LAMB4: variants seen among roughly 807,000 people sequenced by gnomAD.
LAMB4 encodes the protein laminin subunit beta 4, also known as laminin subunit beta-4.
Under a neutral mutation model 199.2 loss-of-function variants are expected in LAMB4, and 196 were observed. The observed-to-expected ratio is 0.98, with a 90% confidence interval of 0.88 to 1.11. The LOEUF (loss-of-function observed/expected upper bound fraction) is 1.11, where lower values mean the gene tolerates loss of function less well. Ranked by LOEUF, LAMB4 falls within the 50% of genes least tolerant of loss-of-function variation. LAMB4 has a pLI of 0.00. For missense variants in LAMB4, 2,080 were observed against 2,171.2 expected (o/e 0.96, Z 0.83); for synonymous variants, 744 against 770.6 (o/e 0.97, Z 0.57).
At chr7:108,048,333 T>C (rs942427217) in intron 27 of LAMB4, among the ~76,000 whole-genome samples, 1 of 151,824 alleles carries the variant, frequency 6.6e-6, no homozygotes, top group Non-Finnish European at 1.5e-5. Flanking sequence ...CCTGGCTAAT[T>C]TTTTGTATTT....
intron 14 of LAMB4, among the ~76,000 whole-genome samples, chr7:108,088,363 T>C (rs1324688504): frequency 2.6e-5 from 4 of 151,798 alleles, no homozygotes; most frequent in Non-Finnish European, 5.9e-5. Context: ...GGGTTTCGCC[T>C]TGGTTGGCCA....
chr7:108,045,147 T>C (rs2035577918), intron 28 of LAMB4, among the ~76,000 whole-genome samples: 2 of 152,220 alleles, frequency 1.3e-5, no homozygotes, highest in South Asian at 4.1e-4. Flanking sequence ...TTTTCAGAGT[T>C]GTTACTTAAT....
intron 32 of LAMB4, among the ~76,000 whole-genome samples, chr7:108,029,524 C>T (rs984060576): frequency 1.3e-5 from 2 of 152,194 alleles, no homozygotes; most frequent in African/African-American, 4.8e-5. Context: ...ATGACCCAAT[C>T]CCATCCTTGA....
At chr7:108,100,542 A>G (rs2037779927) in intron 10 of LAMB4, among the ~76,000 whole-genome samples, 1 of 152,234 alleles carries the variant, frequency 6.6e-6, no homozygotes, top group Non-Finnish European at 1.5e-5. Flanking sequence ...TTGTTTACAA[A>G]GAATGACTTC....
intron 2 of LAMB4, among the ~76,000 whole-genome samples, chr7:108,121,928 A>C (rs1489982988): frequency 6.6e-6 from 1 of 152,180 alleles, no homozygotes; most frequent in Non-Finnish European, 1.5e-5. Context: ...TCAAACTATC[A>C]ATGGGAAAAT....
At chr7:108,095,699 C>T (rs1275556209) in intron 11 of LAMB4, among the ~76,000 whole-genome samples, 1 of 152,134 alleles carries the variant, frequency 6.6e-6, no homozygotes, top group Non-Finnish European at 1.5e-5. Context: ...ACTGATCGCT[C>T]CTTCTCTGGC....
intron 7 of LAMB4, 98 bp from the exon 8 acceptor site, chr7:108,106,129 G>A: frequency 1.0e-6 from 1 of 967,270 alleles, no homozygotes; most frequent in Non-Finnish European, 1.6e-6. Flanking sequence ...ATAGAAAAGA[G>A]ATTACAGGCC....
chr7:108,074,082 C>A (rs2036617889), intron 17 of LAMB4, among the ~76,000 whole-genome samples: 1 of 152,164 alleles, frequency 6.6e-6, no homozygotes, highest in Admixed American at 6.5e-5. Context: ...TGAGGCCACA[C>A]TTCAGTGGAG....
chr7:108,079,775 C>A lies in LAMB4; in HGVS notation c.1713G>T (p.Thr571=). Residue 571 remains threonine (T), a synonymous_variant, in exon 15 of 34, where the codon ACG becomes ACT. Coordinates refer to ENST00000388781, the MANE Select transcript of LAMB4 (RefSeq NM_007356.3). Reference sequence around the variant, plus strand: ...CGTGAACAGCAGGACTCTGGCCAAACGTCTCCGAGCCCTAAAATGGGAGAG... The same window carrying A: ...CGTGAACAGCAGGACTCTGGCCAAAAGTCTCCGAGCCCTAAAATGGGAGAG... ...LQGLAPLGSE[T]FGQSPAVHVV... The A allele has an allele frequency of 2.5e-6, 4 of 1,581,864 alleles. No homozygotes were observed. In the East Asian group the frequency reaches 6.8e-5, roughly 27 times the overall value.
chr7:108,101,152 C>T (rs1313550067), intron 10 of LAMB4, among the ~76,000 whole-genome samples: 1 of 152,130 alleles, frequency 6.6e-6, no homozygotes, highest in Non-Finnish European at 1.5e-5. Flanking sequence ...CCCTAAGAAG[C>T]GGGATCCCTG....
chr7:108,057,442 G>T (rs2036018737), intron 24 of LAMB4, among the ~76,000 whole-genome samples: 1 of 152,118 alleles, frequency 6.6e-6, no homozygotes, highest in Admixed American at 6.6e-5. Flanking sequence ...TAGCCACAAG[G>T]GCACATTTAT....
chr7:108,056,656 G>T (rs1007578038), intron 24 of LAMB4, among the ~76,000 whole-genome samples: 1 of 152,106 alleles, frequency 6.6e-6, no homozygotes, highest in Non-Finnish European at 1.5e-5. Context: ...TGGACCAACT[G>T]CAAGGAACAA....
In LAMB4 at chr7:108,048,044, C is replaced by T. The variant is rs1287960675; in HGVS notation, c.4190G>A (p.Arg1397Gln). The change falls in exon 28 of 34, where the codon CGG becomes CAG. Residue 1397 changes from arginine to glutamine, a missense_variant. Transcript: ENST00000388781. Reference protein sequence around the residue: ...LPCGGALCTGRKGHRKCRGPG... With the variant: ...LPCGGALCTGQKGHRKCRGPG... ...ACCCCTACACTTCCTGTGCCCCTTCCGGCCCGTGCAGAGAGCACCGCCACA... is the reference window on the plus strand; with the variant it reads ...ACCCCTACACTTCCTGTGCCCCTTCTGGCCCGTGCAGAGAGCACCGCCACA... The T allele has an allele frequency of 3.7e-6, 6 of 1,614,036 alleles. No homozygotes were observed. Among genetic ancestry groups the T allele is most frequent in the African/African-American group, 1.3e-5 (1 of 74,914 alleles).
intron 18 of LAMB4, among the ~76,000 whole-genome samples, chr7:108,068,815 T>G (rs1476116823): frequency 6.6e-6 from 1 of 152,142 alleles, no homozygotes; most frequent in Non-Finnish European, 1.5e-5. Context: ...TGCCTCAGCC[T>G]CCCGAGTAGC....
At chr7:108,033,639 C>T (rs975216475) in intron 31 of LAMB4, among the ~76,000 whole-genome samples, 1 of 151,974 alleles carries the variant, frequency 6.6e-6, no homozygotes, top group Non-Finnish European at 1.5e-5. Context: ...GAACTCCTCA[C>T]CTCGGGTGAT....
Position 108,055,944 on chromosome 7 carries a change from C to T in LAMB4, c.3443G>A (p.Arg1148His), listed in dbSNP as rs772132232. ...PICDPDTGMC[R>H]CREGVSGQRC... ...CTGGCCGCTGACACCCTCCCGGCAG[C>T]GGCACATGCCTGTGTCTGGATCACA... Residue 1148 changes from arginine to histidine, a missense_variant, in exon 25 of 34, where the codon CGC becomes CAC. By Grantham distance (29) the Arg-to-His change is conservative. Coordinates refer to ENST00000388781, the MANE Select transcript of LAMB4 (RefSeq NM_007356.3). 1.3e-5 allele frequency: 21 copies of T among 1,614,146 alleles called. No homozygotes were observed. The highest frequency in any genetic ancestry group is 4.4e-5 in the South Asian group (4 of 91,078).
At chr7:108,128,641 G>A (rs913218610) in intron 1 of LAMB4, among the ~76,000 whole-genome samples, 4 of 152,120 alleles carry the variant, frequency 2.6e-5, no homozygotes, top group African/African-American at 7.2e-5. Context: ...TAGAAGTTCT[G>A]TTATCTGAAA....
intron 12 of LAMB4, among the ~76,000 whole-genome samples, chr7:108,093,977 A>G (rs1375839715): frequency 6.6e-6 from 1 of 152,234 alleles, no homozygotes; most frequent in East Asian, 1.9e-4. Context: ...TGTGGTTGTG[A>G]AAACTTCCTC....
At chr7:108,040,245 G>A (rs1447714547) in intron 29 of LAMB4, among the ~76,000 whole-genome samples, 1 of 152,160 alleles carries the variant, frequency 6.6e-6, no homozygotes, top group East Asian at 1.9e-4. Flanking sequence ...AAAACACTGC[G>A]CAAAGAATCC....
Sources: gnomAD v4.1 joint callset for allele counts (sites outside exome capture counted in the v4.1 genomes callset) on GRCh38, gnomAD v4.1.1 for gene constraint, MANE v1.5 for transcripts, NCBI Gene and HGNC (gene_info 2026-07-23, HGNC 2026-07-21) for gene names.